Variants in ZFP64 observed in about 807,000 individuals in gnomAD.
The protein encoded by ZFP64 is ZFP64 zinc finger protein, also known as zinc finger protein 64.
A neutral mutation model predicts 51.6 loss-of-function variants in ZFP64; 14 were observed. That is an observed-to-expected ratio of 0.27 (90% CI 0.18 to 0.42). The LOEUF is 0.42. Ranked by LOEUF, ZFP64 falls within the 10% of genes least tolerant of loss-of-function variation. The pLI is 1.00. For missense variants in ZFP64, 754 were observed against 906.8 expected, an observed-to-expected ratio of 0.83 and a Z score of 2.16; for synonymous variants, 375 against 361.4, an observed-to-expected ratio of 1.04 and a Z score of -0.43.
At chr20:52,131,995 A>G (rs1979745291) in intron 5 of ZFP64, among the ~76,000 whole-genome samples, 1 of 151,986 alleles carries the variant, frequency 6.6e-6, no homozygotes, top group African/African-American at 2.4e-5. Context: ...TAAAATGTTG[A>G]AAAAAAACTG....
chr20:52,106,445 GC>G (rs1224292499), intron 5 of ZFP64, among the ~76,000 whole-genome samples: 1 of 152,208 alleles, frequency 6.6e-6, no homozygotes, highest in African/African-American at 2.4e-5. Context: ...AGTTTTTGGG[GC>G]GGGGCCTGAG....
exon 6 of ZFP64, chr20:52,098,535 G>A: frequency 3.7e-6 from 6 of 1,614,146 alleles, no homozygotes; most frequent in Non-Finnish European, 5.1e-6. Flanking sequence ...GAGTGTCAGT[G>A]CTTTCAGTGG....
At chr20:52,136,138 G>GAACAAC (rs991389452) in intron 5 of ZFP64, among the ~76,000 whole-genome samples, 2 of 81,974 alleles carry the variant, frequency 2.4e-5, no homozygotes, top group Non-Finnish European at 2.8e-5. Context: ...CCAAAAAAAA[G>GAACAAC]AACAACAACA....
intron 2 of ZFP64, among the ~76,000 whole-genome samples, chr20:52,183,284 C>T (rs1568706370): frequency 6.6e-6 from 1 of 152,144 alleles, no homozygotes; most frequent in South Asian, 2.1e-4. Context: ...AAAGCATCCA[C>T]GAAGGCTCAG....
At chr20:52,185,022 TTTTTTA>T (rs1983861367) in intron 2 of ZFP64, among the ~76,000 whole-genome samples, 1 of 151,650 alleles carries the variant, frequency 6.6e-6, no homozygotes, top group Non-Finnish European at 1.5e-5. Context: ...GTTTATGAAG[TTTTTTA>T]TTTTTATTTT....
chr20:52,131,766 A>G (rs1053734249), intron 5 of ZFP64, among the ~76,000 whole-genome samples: 1 of 152,218 alleles, frequency 6.6e-6, no homozygotes, highest in Non-Finnish European at 1.5e-5. Flanking sequence ...CTAATACAAT[A>G]ATAGCTGGAG....
At chr20:52,183,328 G>T (rs1983742019) in intron 2 of ZFP64, among the ~76,000 whole-genome samples, 1 of 152,202 alleles carries the variant, frequency 6.6e-6, no homozygotes, top group South Asian at 2.1e-4. Context: ...CAAGTAAAAA[G>T]TGTGGGCCTG....
chr20:52,139,630 A>G (rs925613290), intron 5 of ZFP64, among the ~76,000 whole-genome samples: 5 of 152,152 alleles, frequency 3.3e-5, no homozygotes, highest in African/African-American at 1.2e-4. Context: ...AAACCTGCAC[A>G]TGTACCCCCT....
intron 5 of ZFP64, among the ~76,000 whole-genome samples, chr20:52,138,600 C>T (rs1980099073): frequency 6.6e-6 from 1 of 151,562 alleles, no homozygotes; most frequent in South Asian, 2.1e-4. Context: ...TGACAAAGAA[C>T]GTAGAACAGC....
intron 2 of ZFP64, among the ~76,000 whole-genome samples, chr20:52,172,318 C>T (rs1004347671): frequency 6.6e-6 from 1 of 151,844 alleles, no homozygotes; most frequent in Non-Finnish European, 1.5e-5. Flanking sequence ...CTCTGCTCTT[C>T]AGTTCTTTTG....
At chr20:52,129,555 C>A (rs1046925968) in intron 5 of ZFP64, among the ~76,000 whole-genome samples, 1 of 152,132 alleles carries the variant, frequency 6.6e-6, no homozygotes, top group Admixed American at 6.5e-5. Context: ...TCCAGTGCAC[C>A]TTAGAATGCT....
intron 5 of ZFP64, among the ~76,000 whole-genome samples, chr20:52,119,415 T>G (rs1979041807): frequency 6.6e-6 from 1 of 150,734 alleles, no homozygotes; most frequent in Non-Finnish European, 1.5e-5. Context: ...ACTCAACTAC[T>G]CAGGAGGCTG....
intron 2 of ZFP64, among the ~76,000 whole-genome samples, chr20:52,169,389 G>T (rs1031819258): frequency 6.6e-6 from 1 of 152,136 alleles, no homozygotes; most frequent in Non-Finnish European, 1.5e-5. Flanking sequence ...CATACTCCAT[G>T]GCCTCCCAAC....
At chr20:52,144,362 G>A (rs13045636) in intron 5 of ZFP64, among the ~76,000 whole-genome samples, 14,870 of 117,580 alleles carry the variant, frequency 0.13, 2,539 homozygotes, top group Admixed American at 0.18. Flanking sequence ...GGCAGATCAC[G>A]AGGTCAAGAG....
Position 52,142,839 on chromosome 20 carries a change from C to T in ZFP64, c.763+17284G>A. ...TGGGCGACAGAGTGAGACTCCATCT[C>T]AAAAAAAAAAAAAAAAAAAGCAAAA... On this transcript the variant is annotated intron_variant, in intron 5 of 8. Transcript: ENST00000361387. Among the ~76,000 whole-genome samples the T allele has an allele frequency of 3.6e-5, 2 of 55,064 alleles. 1 individual carries two copies. Among genetic ancestry groups the T allele is most frequent in the South Asian group, 1.9e-3 (2 of 1,036 alleles). The allele number at this position is 55,064 out of a possible 152,430, so 36.1% of individuals were successfully genotyped here.
At chr20:52,090,164 G>A (rs2078907925) in intron 7 of ZFP64, among the ~76,000 whole-genome samples, 1 of 152,134 alleles carries the variant, frequency 6.6e-6, no homozygotes, top group African/African-American at 2.4e-5. Context: ...AAGCAGGGTG[G>A]TCCAATTTCA....
intron 5 of ZFP64, among the ~76,000 whole-genome samples, chr20:52,107,535 C>G (rs974437512): frequency 1.3e-5 from 2 of 152,112 alleles, no homozygotes; most frequent in Admixed American, 1.3e-4. Context: ...AGATCTCATT[C>G]ATTTGCTTTG....
In ZFP64 at chr20:52,166,060, T is replaced by C. The variant is rs757876024; in HGVS notation, c.287-35A>G. 5 of 1,580,232 alleles carry C rather than the reference T, an allele frequency of 3.2e-6. No individual in the cohort carries two copies. The South Asian group carries it at 5.8e-5, about 18-fold the overall frequency. On this transcript the variant is annotated intron_variant, in intron 2 of 5. Transcript: ENST00000216923. ...ATGGTGATTATTAATTTTCTTAATA[T>C]AAATGCCCGCTAGCTATGGTGTCTG...
intron 2 of ZFP64, among the ~76,000 whole-genome samples, chr20:52,180,030 T>C (rs1359885556): frequency 1.3e-5 from 2 of 152,232 alleles, no homozygotes; most frequent in Non-Finnish European, 2.9e-5. Context: ...TCACACATGA[T>C]GACAGATGTG....
Sources: allele counts gnomAD v4.1 joint callset (sites outside exome capture counted in the v4.1 genomes callset), GRCh38; gene constraint gnomAD v4.1.1; transcripts MANE v1.5; gene names NCBI Gene and HGNC (gene_info 2026-07-23, HGNC 2026-07-21).